GABRG3: variants seen among roughly 807,000 people sequenced by gnomAD.
The protein encoded by GABRG3 is gamma-aminobutyric acid type A receptor subunit gamma3.
GABRG3 carries 25 observed loss-of-function variants against 48.8 expected under a neutral mutation model. The ratio of observed to expected loss-of-function variants is 0.51; its 90% CI spans 0.37 to 0.72. The LOEUF is 0.72. Ranked by LOEUF, GABRG3 falls within the 30% of genes least tolerant of loss-of-function variation. The pLI is 0.00. For synonymous variants in GABRG3, 227 were observed against 217.6 expected (o/e 1.04, Z -0.38); for missense variants, 394 against 577.9 (o/e 0.68, Z 3.26).
rs1891634071 is a variant in GABRG3 at position 27,540,198 on chromosome 15, C to T, written c.*7317C>T. 1 of 152,222 alleles carries T rather than the reference C, an allele frequency of 6.6e-6. No individual in the cohort carries two copies. The highest frequency in any genetic ancestry group is 1.5e-5 in the Non-Finnish European group (1 of 68,038). The allele number at this position is 152,222 out of a possible 1,614,324, so 9.4% of individuals were successfully genotyped here. A position where few individuals can be genotyped will look rare whatever the true frequency, so the allele number is the denominator to read the frequency against. On this transcript the variant is annotated 3_prime_UTR_variant, in exon 10 of 10. Coordinates refer to ENST00000615808, the MANE Select transcript of GABRG3 (RefSeq NM_033223.5). ...TCCCCAGCAGTCCTGCCTGCCCTGCCTCAATCAGAATTTCAAATTACTATT... is the reference window on the plus strand; with the variant it reads ...TCCCCAGCAGTCCTGCCTGCCCTGCTTCAATCAGAATTTCAAATTACTATT...
chr15:27,093,404 A>G (rs1303925758), intron 3 of GABRG3, among the ~76,000 whole-genome samples: 7 of 152,098 alleles, frequency 4.6e-5, no homozygotes, highest in Non-Finnish European at 8.8e-5. Flanking sequence ...TGAACAGTCC[A>G]CTGGTGCTCT....
chr15:27,057,795 A>G (rs775324662), intron 3 of GABRG3, among the ~76,000 whole-genome samples: 8 of 152,220 alleles, frequency 5.3e-5, no homozygotes, highest in Non-Finnish European at 1.0e-4. Context: ...TAATCGAGAC[A>G]TAGAAAAGCC....
At position 27,306,441 on chromosome 15, in the gene GABRG3, C is replaced by T. The variant is rs1392470681; in HGVS notation, c.271-20368C>T. Among the ~76,000 whole-genome samples, 2 of 138,136 alleles carry T rather than the reference C, an allele frequency of 1.4e-5. 1 individual carries two copies. Among genetic ancestry groups the T allele is most frequent in the African/African-American group, 5.3e-5 (2 of 37,526 alleles). The allele number at this position is 138,136 out of a possible 152,430, so 90.6% of individuals were successfully genotyped here. On this transcript the variant is annotated intron_variant, in intron 3 of 9. Transcript: ENST00000615808. ...TCTACATGTAAACATATAATACGAA[C>T]ATATGTCTACATATAAACATAAACA...
At chr15:27,253,912 G>A (rs1890535476) in intron 3 of GABRG3, among the ~76,000 whole-genome samples, 1 of 152,206 alleles carries the variant, frequency 6.6e-6, no homozygotes, top group Non-Finnish European at 1.5e-5. Flanking sequence ...ATGACTGGCT[G>A]GTGATATTTT....
At chr15:27,166,406 T>C (rs926018367) in intron 3 of GABRG3, among the ~76,000 whole-genome samples, 2 of 152,178 alleles carry the variant, frequency 1.3e-5, no homozygotes, top group African/African-American at 4.8e-5. Context: ...ATCTTCTTCT[T>C]TGGGTTTTAG....
intron 3 of GABRG3, among the ~76,000 whole-genome samples, chr15:27,055,159 C>T (rs989455310): frequency 6.6e-6 from 1 of 152,082 alleles, no homozygotes; most frequent in Non-Finnish European, 1.5e-5. Context: ...CACACCAGAG[C>T]AGCCTGTGAT....
At chr15:27,000,501 G>T (rs188111769) in intron 2 of GABRG3, among the ~76,000 whole-genome samples, 1 of 152,266 alleles carries the variant, frequency 6.6e-6, no homozygotes, top group African/African-American at 2.4e-5. Flanking sequence ...TGTTGGAGGT[G>T]GTGCCTGATG....
At chr15:27,194,232 C>T (rs1409439760) in intron 3 of GABRG3, among the ~76,000 whole-genome samples, 2 of 152,146 alleles carry the variant, frequency 1.3e-5, no homozygotes, top group African/African-American at 2.4e-5. Context: ...TTAGGTATTT[C>T]CTGTATATAC....
intron 3 of GABRG3, among the ~76,000 whole-genome samples, chr15:27,066,792 T>G (rs988713791): frequency 6.6e-5 from 10 of 152,176 alleles, no homozygotes; most frequent in Admixed American, 1.3e-4. Flanking sequence ...AATAATCCCT[T>G]TCCTGATTTT....
intron 3 of GABRG3, among the ~76,000 whole-genome samples, chr15:27,243,352 A>G (rs538317994): frequency 1.3e-5 from 2 of 152,308 alleles, no homozygotes; most frequent in Admixed American, 6.5e-5. Flanking sequence ...GGGTCAGCCA[A>G]TCTCACTTGC....
At chr15:27,166,326 A>T (rs1162296834) in intron 3 of GABRG3, among the ~76,000 whole-genome samples, 1 of 152,208 alleles carries the variant, frequency 6.6e-6, no homozygotes, top group Non-Finnish European at 1.5e-5. Flanking sequence ...GAGTATCACC[A>T]TTAATTCCAT....
chr15:27,345,142 A>G (rs891625542), intron 5 of GABRG3, among the ~76,000 whole-genome samples: 5 of 152,280 alleles, frequency 3.3e-5, no homozygotes, highest in Non-Finnish European at 7.4e-5. Context: ...TTAAGATTTT[A>G]ATCTACTGTG....
chr15:27,065,285 A>G (rs1240541471), intron 3 of GABRG3, among the ~76,000 whole-genome samples: 1 of 152,206 alleles, frequency 6.6e-6, no homozygotes, highest in Non-Finnish European at 1.5e-5. Context: ...TTTAAATAGG[A>G]CTTGGCTGTT....
At chr15:27,342,265 C>G (rs574470576) in intron 5 of GABRG3, among the ~76,000 whole-genome samples, 1 of 152,332 alleles carries the variant, frequency 6.6e-6, no homozygotes, top group Admixed American at 6.5e-5. Flanking sequence ...TTTCCTTTTA[C>G]AGATGCAAAA....
chr15:26,984,050 C>A (rs540134727), intron 2 of GABRG3, among the ~76,000 whole-genome samples: 2 of 152,210 alleles, frequency 1.3e-5, no homozygotes, highest in South Asian at 4.1e-4. Context: ...CGTGTCCCTT[C>A]CCCACCTCCC....
chr15:27,156,461 T>C (rs1482371757), intron 3 of GABRG3, among the ~76,000 whole-genome samples: 1 of 152,136 alleles, frequency 6.6e-6, no homozygotes, highest in African/African-American at 2.4e-5. Context: ...GTTCCAAATC[T>C]GGAATGAAAC....
At chr15:27,069,061 G>T (rs925772522) in intron 3 of GABRG3, among the ~76,000 whole-genome samples, 1 of 152,148 alleles carries the variant, frequency 6.6e-6, no homozygotes, top group Non-Finnish European at 1.5e-5. Flanking sequence ...CTAAGAGAAG[G>T]CATGTTTACG....
chr15:27,023,719 C>A (rs796080331), intron 2 of GABRG3, among the ~76,000 whole-genome samples: 1 of 152,186 alleles, frequency 6.6e-6, no homozygotes, highest in African/African-American at 2.4e-5. Context: ...TGTCGATGAG[C>A]ACTTGAACTG....
chr15:27,092,121 T>A (rs1897196355), intron 3 of GABRG3, among the ~76,000 whole-genome samples: 1 of 152,186 alleles, frequency 6.6e-6, no homozygotes, highest in Non-Finnish European at 1.5e-5. Context: ...TCTCATCATT[T>A]TCCTCTCTCA....
Sources: allele counts gnomAD v4.1 joint callset (sites outside exome capture counted in the v4.1 genomes callset), GRCh38; gene constraint gnomAD v4.1.1; transcripts MANE v1.5; gene names NCBI Gene and HGNC (gene_info 2026-07-23, HGNC 2026-07-21).